The following PRSS12 variants were observed in gnomAD, a reference collection of about 807,000 sequenced individuals.
The protein encoded by PRSS12 is neurotrypsin.
PRSS12 carries 85 observed loss-of-function variants against 104.4 expected under a neutral mutation model. That is an observed-to-expected ratio of 0.81 (90% CI 0.68 to 0.98). The LOEUF is 0.98. Ranked by LOEUF, PRSS12 falls within the 50% of genes least tolerant of loss-of-function variation. PRSS12 has a pLI of 0.00. For synonymous variants in PRSS12, 454 were observed against 425.2 expected (o/e 1.07, Z -0.83); for missense variants, 1,141 against 1,139.2 (o/e 1.00, Z -0.02).
chr4:118,307,981 C>T (rs1362380010), intron 8 of PRSS12, among the ~76,000 whole-genome samples: 2 of 152,088 alleles, frequency 1.3e-5, no homozygotes, highest in Non-Finnish European at 2.9e-5. Context: ...GAAGGGAGAG[C>T]AGTGACCTCA....
chr4:118,316,837 A>AAAAAAAATATATATATATAT (rs35698159), intron 5 of PRSS12, among the ~76,000 whole-genome samples: 22 of 99,166 alleles, frequency 2.2e-4, no homozygotes, highest in African/African-American at 6.6e-4. Flanking sequence ...AAAAAAAAAA[A>AAAAAAAATATATATATATAT]ATATATATAT....
intron 1 of PRSS12, among the ~76,000 whole-genome samples, chr4:118,344,509 C>A (rs752035346): frequency 2.4e-4 from 37 of 152,218 alleles, no homozygotes; most frequent in Non-Finnish European, 1.9e-4. Flanking sequence ...TTATTCAAGT[C>A]ATCCCAGGTC....
intron 7 of PRSS12, 43 bp downstream of exon 7, chr4:118,313,158 G>T: frequency 6.2e-7 from 1 of 1,604,956 alleles, no homozygotes; most frequent in South Asian, 1.1e-5. Context: ...AGGTGCAATG[G>T]CTACTGAATG....
chr4:118,349,561 T>G (rs974554154), intron 1 of PRSS12, among the ~76,000 whole-genome samples: 17 of 152,244 alleles, frequency 1.1e-4, no homozygotes, highest in African/African-American at 3.9e-4. Flanking sequence ...TATTTCTACA[T>G]GTGTATATGT....
Position 118,298,910 on chromosome 4 carries a change from A to C in PRSS12, c.1660T>G (p.Tyr554Asp). ...KGPARARTMA[Y>D]FGEGKGPIHV... ...ATGGGTCCTTTTCCTTCTCCAAAGT[A>C]AGCCATGGTTCTTGCTCTGGCAGGA... Residue 554 changes from tyrosine (Y) to aspartate (D), a missense_variant, in exon 9 of 13, where the codon TAC becomes GAC. Transcript: ENST00000296498. 2 of 1,614,222 alleles carry C rather than the reference A, an allele frequency of 1.2e-6. No individual in the cohort carries two copies. The highest frequency in any genetic ancestry group is 1.7e-6 in the Non-Finnish European group (2 of 1,180,042).
intron 4 of PRSS12, among the ~76,000 whole-genome samples, chr4:118,323,683 G>A (rs1723691306): frequency 6.6e-6 from 1 of 151,704 alleles, no homozygotes; most frequent in African/African-American, 2.4e-5. Flanking sequence ...CATACAAATT[G>A]AAAACTACCA....
intron 8 of PRSS12, chr4:118,306,075 A>C (rs1367308060): frequency 6.6e-6 from 1 of 152,180 alleles, no homozygotes; most frequent in Non-Finnish European, 1.5e-5. Context: ...TATACCCAGA[A>C]ATGGGATATC....
intron 7 of PRSS12, among the ~76,000 whole-genome samples, chr4:118,309,184 T>C (rs34531766): frequency 0.06 from 9,201 of 152,206 alleles, 383 homozygotes; most frequent in Non-Finnish European, 0.091. Flanking sequence ...TCACAAAAAT[T>C]ACTGAGTTAA....
chr4:118,331,660 G>T, intron 4 of PRSS12, 56 bp downstream of exon 4: 1 of 1,607,874 alleles, frequency 6.2e-7, no homozygotes, highest in Non-Finnish European at 8.5e-7. Flanking sequence ...CTGCCTTTGG[G>T]TATGGAAATA....
At chr4:118,315,123 C>G (rs1397564670) in intron 6 of PRSS12, among the ~76,000 whole-genome samples, 1 of 152,016 alleles carries the variant, frequency 6.6e-6, no homozygotes, top group Non-Finnish European at 1.5e-5. Flanking sequence ...TTACTTATCA[C>G]AGGAAAAATT....
At chr4:118,321,134 G>A (rs1347782964) in intron 4 of PRSS12, among the ~76,000 whole-genome samples, 1 of 152,106 alleles carries the variant, frequency 6.6e-6, no homozygotes, top group Non-Finnish European at 1.5e-5. Flanking sequence ...CTAACACAAA[G>A]GAATCCTAAC....
At chr4:118,343,196 C>G (rs1724260035) in intron 1 of PRSS12, among the ~76,000 whole-genome samples, 1 of 151,370 alleles carries the variant, frequency 6.6e-6, no homozygotes, top group Non-Finnish European at 1.5e-5. Flanking sequence ...AGAGATCGGC[C>G]TAGACAACAG....
intron 4 of PRSS12, among the ~76,000 whole-genome samples, chr4:118,320,004 T>C (rs954645522): frequency 6.6e-6 from 1 of 152,116 alleles, no homozygotes; most frequent in African/African-American, 2.4e-5. Context: ...CAAAAACATC[T>C]CTTTACTGAA....
intron 6 of PRSS12, among the ~76,000 whole-genome samples, chr4:118,314,788 A>G (rs1245444653): frequency 6.6e-6 from 1 of 152,040 alleles, no homozygotes; most frequent in Non-Finnish European, 1.5e-5. Context: ...AAATATGAAG[A>G]AAAAAATCAG....
Position 118,331,778 on chromosome 4 carries a change from G to T in PRSS12, c.909C>A (p.Thr303=). Residue 303 remains threonine, a synonymous_variant, in exon 4 of 13, where the codon ACC becomes ACA. Coordinates refer to ENST00000296498, the MANE Select transcript of PRSS12 (RefSeq NM_003619.4). ...CATCATCCCATTGGTCATCACAAAC[G>T]GTTCCCCACTGGCCAGCATGGTAGA... The part of the protein sequence containing the change: ...VELYHAGQWG[T]VCDDQWDDAD... 3.1e-6 allele frequency: 5 copies of T among 1,614,064 alleles called. No individual in the cohort carries two copies. The highest frequency in any genetic ancestry group is 4.2e-6 in the Non-Finnish European group (5 of 1,180,016).
intron 4 of PRSS12, among the ~76,000 whole-genome samples, chr4:118,326,209 T>C (rs1723765184): frequency 6.6e-6 from 1 of 152,202 alleles, no homozygotes; most frequent in South Asian, 2.1e-4. Flanking sequence ...TTGTGCCATA[T>C]ACAGAGTTTG....
intron 11 of PRSS12, among the ~76,000 whole-genome samples, chr4:118,283,342 T>C (rs1742937462): frequency 6.6e-6 from 1 of 152,190 alleles, no homozygotes; most frequent in African/African-American, 2.4e-5. Context: ...AAGGAGCAAA[T>C]GTGGAGGATG....
chr4:118,328,406 C>T (rs754672282), intron 4 of PRSS12, among the ~76,000 whole-genome samples: 2 of 152,148 alleles, frequency 1.3e-5, no homozygotes, highest in African/African-American at 4.8e-5. Flanking sequence ...TTGAGAAAGG[C>T]GTTAATACTT....
At chr4:118,318,675 G>T in intron 4 of PRSS12, 119 bp from the exon 5 acceptor site, 1 of 974,106 alleles carries the variant, frequency 1.0e-6, no homozygotes, top group South Asian at 1.4e-5. Flanking sequence ...TCACTTCACA[G>T]GTCATGCATG....
Sources: gnomAD v4.1 joint callset for allele counts (sites outside exome capture counted in the v4.1 genomes callset) on GRCh38, gnomAD v4.1.1 for gene constraint, MANE v1.5 for transcripts, NCBI Gene and HGNC (gene_info 2026-07-23, HGNC 2026-07-21) for gene names.